KLC2: variants seen among roughly 807,000 people sequenced by gnomAD.
KLC2 encodes the protein kinesin light chain 2, also known as KLC 2.
KLC2 carries 35 observed loss-of-function variants against 75.1 expected under a neutral mutation model. The ratio of observed to expected loss-of-function variants is 0.47; its 90% confidence interval spans 0.36 to 0.62. The LOEUF (loss-of-function observed/expected upper bound fraction) is 0.62. Ranked by LOEUF, KLC2 falls within the 20% of genes least tolerant of loss-of-function variation. KLC2 has a pLI of 0.00. For missense variants in KLC2, 611 were observed against 833.2 expected (o/e 0.73, Z 3.28); for synonymous variants, 314 against 336.7 (o/e 0.93, Z 0.74).
In KLC2 at chr11:66,267,508, C is replaced by T. The variant is rs146873903; in HGVS notation, c.*552C>T. The T allele has an allele frequency of 3.1e-3, 2,109 of 682,058 alleles. 10 individuals carry two copies. Among genetic ancestry groups the T allele is most frequent in the Non-Finnish European group, 4.2e-3 (1,531 of 365,322 alleles). The allele number at this position is 682,058 out of a possible 1,614,324, so 42.3% of individuals were successfully genotyped here. ...CGGGAGCGGCGCCTCCCAAGGGGGTCCTGGGACCTTCTCGCGCTCCTCCTG... is the reference window on the plus strand; with the variant it reads ...CGGGAGCGGCGCCTCCCAAGGGGGTTCTGGGACCTTCTCGCGCTCCTCCTG... On this transcript the variant is annotated 3_prime_UTR_variant, in exon 16 of 16. Transcript: ENST00000394067.
rs1236649799 is a variant in KLC2 at position 66,264,139 on chromosome 11, T to TA, written c.1037dup (p.Tyr346Ter). Residue 346 changes from tyrosine (Y) to a stop codon, truncating the protein, a stop_gained and frameshift_variant, in exon 8 of 16, where the codon TAC becomes TAAC. Transcript: ENST00000394067. LOFTEE classifies it high-confidence loss of function. ...NQGKAEEVEYYYRRALEIYAT... is the reference protein window; with the variant it reads ...NQGKAEEVEY ...GGGCAAAGCTGAGGAGGTGGAATAT[T>TA]ACTATCGGCGGGCACTGGAGATCTA... The TA allele has an allele frequency of 1.9e-6, 3 of 1,591,662 alleles. No homozygotes were observed. Among genetic ancestry groups the TA allele is most frequent in the Non-Finnish European group, 2.6e-6 (3 of 1,168,444 alleles).
upstream of KLC2, among the ~76,000 whole-genome samples, chr11:66,255,204 G>GAGAC (rs1464914268): frequency 6.6e-6 from 1 of 152,214 alleles, no homozygotes; most frequent in Admixed American, 6.5e-5. Context: ...TATATATTTT[G>GAGAC]AGACAGGGTC....
the KLC2 span, among the ~76,000 whole-genome samples, chr11:66,252,231 G>A: frequency 6.6e-6 from 1 of 152,188 alleles, no homozygotes; most frequent in Non-Finnish European, 1.5e-5. Context: ...CAACCACTAG[G>A]AATAGTGTCT....
At position 66,267,691 on chromosome 11, in the gene KLC2, C is replaced by G. The variant is rs922388050; in HGVS notation, c.*735C>G. The G allele has an allele frequency of 1.9e-6, 1 of 518,760 alleles. No homozygotes were observed. Among genetic ancestry groups the G allele is most frequent in the South Asian group, 2.7e-5 (1 of 36,392 alleles). The allele number at this position is 518,760 out of a possible 1,614,324, so 32.1% of individuals were successfully genotyped here. A position where few individuals can be genotyped will look rare whatever the true frequency, so the allele number is the denominator to read the frequency against. ...CGCCCAGGCACGGCCGACCCCGCCCCGGGCACCGCCCACCGAGCCATCCTG... is the reference window on the plus strand; with the variant it reads ...CGCCCAGGCACGGCCGACCCCGCCCGGGGCACCGCCCACCGAGCCATCCTG... On this transcript the variant is annotated 3_prime_UTR_variant, in exon 16 of 16. Coordinates refer to ENST00000394067, the MANE Select transcript of KLC2 (RefSeq NM_001318734.2).
chr11:66,262,160 A>T lies in KLC2; in HGVS notation c.497A>T (p.Asp166Val), dbSNP rs751238282. 3.1e-5 allele frequency: 50 copies of T among 1,613,286 alleles called. No individual in the cohort carries two copies. The East Asian group carries it at 3.8e-4, about 12-fold the overall frequency. The change falls in exon 4 of 16, where the codon GAC (aspartate) becomes GTC (valine). Residue 166 changes from aspartate to valine, a missense_variant. Transcript: ENST00000394067. Reference sequence around the variant, plus strand: ...GACGTCCCCAAAGACACACTGGATGACCTGTTCCCCAATGAGGATGAGCAG... The same window carrying T: ...GACGTCCCCAAAGACACACTGGATGTCCTGTTCCCCAATGAGGATGAGCAG... ...KGDVPKDTLD[D>V]LFPNEDEQSP... is the part of the protein sequence containing the mutation.
chr11:66,248,265 T>G, the KLC2 span, among the ~76,000 whole-genome samples: 5 of 152,200 alleles, frequency 3.3e-5, no homozygotes, highest in African/African-American at 1.2e-4. Context: ...TGTTAACATG[T>G]TACATTCATG....
At chr11:66,264,825 G>T (rs918589821) in intron 9 of KLC2, 198 bp from the exon 10 acceptor site, 87 of 600,228 alleles carry the variant, frequency 1.4e-4, no homozygotes, top group Admixed American at 1.2e-4. Context: ...CATGTCTTGG[G>T]CTGTGGCCTG....
intron 2 of KLC2, among the ~76,000 whole-genome samples, chr11:66,260,003 G>A (rs1319773605): frequency 6.6e-6 from 1 of 152,160 alleles, no homozygotes; most frequent in Non-Finnish European, 1.5e-5. Context: ...ATGTCCAGGA[G>A]CCATTGGGAT....
In KLC2 at chr11:66,263,750, G is replaced by A. The variant is rs1190664250; in HGVS notation, c.840+3G>A. The A allele has an allele frequency of 3.7e-6, 6 of 1,612,140 alleles. No homozygotes were observed. Among genetic ancestry groups the A allele is most frequent in the Non-Finnish European group, 5.1e-6 (6 of 1,178,186 alleles). ...CACTGGGCAAGGACCACCCAGCCGT[G>A]AGTGAGGGTTGGGTGGGAGGTGGGG... On this transcript the variant is annotated splice_donor_region_variant and intron_variant, in intron 6 of 15. Transcript: ENST00000394067.
upstream of KLC2, among the ~76,000 whole-genome samples, chr11:66,256,513 C>G (rs1324424566): frequency 6.6e-6 from 1 of 152,138 alleles, no homozygotes; most frequent in Non-Finnish European, 1.5e-5. Flanking sequence ...TGCTTGAACC[C>G]TGGAGGCAGA....
In KLC2 at chr11:66,266,228, C is replaced by A; in HGVS notation, c.1727+11C>A. On this transcript the variant is annotated intron_variant, in intron 14 of 15. Coordinates refer to ENST00000394067, the MANE Select transcript of KLC2 (RefSeq NM_001318734.2). ...GCCCCCTAACCCCAGGTGAGCCCCC[C>A]ACCAAGGTGAGCCTCAAGAACCACC... 6.3e-7 allele frequency: 1 copy of A among 1,592,050 alleles called. No individual in the cohort carries two copies. The highest frequency in any genetic ancestry group is 1.7e-5 in the Admixed American group (1 of 57,686).
the KLC2 span, among the ~76,000 whole-genome samples, chr11:66,252,214 G>C: frequency 3.9e-5 from 6 of 152,194 alleles, no homozygotes; most frequent in African/African-American, 1.4e-4. Context: ...ATGGTGATGA[G>C]AATAAACAAC....
Position 66,265,683 on chromosome 11 carries a change from T to C in KLC2, c.1363T>C (p.Leu455=). Residue 455 remains leucine, a synonymous_variant, in exon 12 of 16, where the codon TTG becomes CTG. Transcript: ENST00000394067. ...SPTVNTTLRS[L]GALYRRQGKL... is the part of the protein sequence containing the mutation. Reference sequence around the variant, plus strand: ...CACAGTCAACACCACCCTGCGCAGCTTGGGGGCCCTATACCGGCGCCAGGG... The same window carrying C: ...CACAGTCAACACCACCCTGCGCAGCCTGGGGGCCCTATACCGGCGCCAGGG... 1 of 1,613,836 alleles carries C rather than the reference T, an allele frequency of 6.2e-7. No homozygotes were observed. Among genetic ancestry groups the C allele is most frequent in the Non-Finnish European group, 8.5e-7 (1 of 1,179,924 alleles).
chr11:66,261,176 G>A (rs1222030675), intron 2 of KLC2: 1 of 152,574 alleles, frequency 6.6e-6, no homozygotes, highest in African/African-American at 2.4e-5. Context: ...AGAGGGGTGG[G>A]GGTTGAGGCC....
chr11:66,250,248 C>G, the KLC2 span, among the ~76,000 whole-genome samples: 1 of 152,092 alleles, frequency 6.6e-6, no homozygotes, highest in Admixed American at 6.6e-5. Context: ...GTACCACATT[C>G]GAATGAGAGC....
Position 66,263,640 on chromosome 11 carries a change from A to G in KLC2, c.753-20A>G. ...CTTGAGCTGGAGGACAGCCCTGACC[A>G]TGCTCCTACCTGCTCCCAGGGATCA... On this transcript the variant is annotated intron_variant, in intron 5 of 15. Transcript: ENST00000394067. The G allele has an allele frequency of 1.3e-6, 2 of 1,586,298 alleles. No homozygotes were observed. Among genetic ancestry groups the G allele is most frequent in the Non-Finnish European group, 1.7e-6 (2 of 1,155,064 alleles).
At position 66,265,935 on chromosome 11, in the gene KLC2, C is replaced by T; in HGVS notation, c.1525C>T (p.Arg509Ter). ...SGRRGDRRSS[R>*]DMAGGAGPRS... ...CAGGCGGGGAGACCGCCGCAGCAGC[C>T]GAGACATGGCTGGGGGTGCCGGGCC... The change falls in exon 13 of 16, where the codon CGA becomes TGA. Residue 509 changes from arginine to a stop codon, truncating the protein, a stop_gained. Coordinates refer to ENST00000394067, the MANE Select transcript of KLC2 (RefSeq NM_001318734.2). LOFTEE classifies it high-confidence loss of function. The T allele has an allele frequency of 1.9e-6, 3 of 1,594,550 alleles. No individual in the cohort carries two copies. The highest frequency in any genetic ancestry group is 1.7e-6 in the Non-Finnish European group (2 of 1,167,748).
At chr11:66,266,304 G>A in intron 14 of KLC2, 87 bp downstream of exon 14, 1 of 1,509,578 alleles carries the variant, frequency 6.6e-7, no homozygotes. Context: ...CTGACCCCAG[G>A]CAACCTCCCC....
At position 66,267,724 on chromosome 11, in the gene KLC2, T is replaced by TC. The variant is rs1009248092; in HGVS notation, c.*774dup. On this transcript the variant is annotated 3_prime_UTR_variant, in exon 16 of 16. Transcript: ENST00000394067. ...GCCCACCGAGCCATCCTGCCTCGCC[T>TC]CCCCCCACGCCTGCAGCTTCTCGCG... 6.9e-5 allele frequency: 31 copies of TC among 448,148 alleles called. No homozygotes were observed. The highest frequency in any genetic ancestry group is 5.4e-4 in the African/African-American group (25 of 46,196). 27.8% of individuals were successfully genotyped at this position (448,148 alleles called of 1,614,324 possible). A position where few individuals can be genotyped will look rare whatever the true frequency, so the allele number is the denominator to read the frequency against.
Sources: gnomAD v4.1 joint callset for allele counts (sites outside exome capture counted in the v4.1 genomes callset) on GRCh38, gnomAD v4.1.1 for gene constraint, MANE v1.5 for transcripts, NCBI Gene and HGNC (gene_info 2026-07-23, HGNC 2026-07-21) for gene names.